Variants in CEP85L observed in about 807,000 individuals in gnomAD.
CEP85L encodes the protein centrosomal protein of 85 kDa-like.
In CEP85L, 60 loss-of-function variants were observed where a neutral mutation model predicts 100.3. That is an observed-to-expected ratio of 0.60 (90% CI 0.49 to 0.74). CEP85L has a LOEUF of 0.74. CEP85L is among the 30% of genes least tolerant of loss of function. The pLI is 0.00. For missense variants in CEP85L, 973 were observed against 936.2 expected, an observed-to-expected ratio of 1.04 and a Z score of -0.51; for synonymous variants, 319 against 322.7, an observed-to-expected ratio of 0.99 and a Z score of 0.12.
At chr6:118,627,856 C>A (rs1399381825) in intron 2 of CEP85L, among the ~76,000 whole-genome samples, 10 of 152,178 alleles carry the variant, frequency 6.6e-5, no homozygotes, top group African/African-American at 2.4e-4. Flanking sequence ...GCCTAACTTA[C>A]CTTGGGGAAG....
intron 3 of CEP85L, among the ~76,000 whole-genome samples, chr6:118,548,896 T>C (rs554029440): frequency 6.6e-6 from 1 of 151,992 alleles, no homozygotes; most frequent in Non-Finnish European, 1.5e-5. Context: ...CATAATTTCA[T>C]ACAGTGAATA....
intron 2 of CEP85L, among the ~76,000 whole-genome samples, chr6:118,600,370 T>TGTGTGTGTGTGTGCGCGTGCGCGTGG (rs58066356): frequency 1.2e-5 from 1 of 86,368 alleles, no homozygotes; most frequent in African/African-American, 4.2e-5. Context: ...TGTGTGTGTG[T>TGTGTGTGTGTGTGCGCGTGCGCGTGG]AACGCCATGG....
At chr6:118,700,640 T>C (rs1225911413) in intron 1 of CEP85L, among the ~76,000 whole-genome samples, 1 of 151,922 alleles carries the variant, frequency 6.6e-6, no homozygotes, top group East Asian at 1.9e-4. Context: ...CTGAGGCATA[T>C]GGGATCTGAA....
intron 8 of CEP85L, 40 bp from the exon 9 acceptor site, chr6:118,480,553 T>C (rs752073789): frequency 1.1e-5 from 14 of 1,252,384 alleles, no homozygotes; most frequent in Non-Finnish European, 1.4e-5. Flanking sequence ...ATAAGCTCTA[T>C]TTGCTGATTT....
Position 118,698,990 on chromosome 6 carries a change from T to C in CEP85L, c.-28+11046A>G, listed in dbSNP as rs1003511764. ...CATTTACTGAGGTTATTTTTACTAA[T>C]AATATGCCCGGAAACTGAAAATAAT... On this transcript the variant is annotated intron_variant, in intron 1 of 13. Coordinates refer to the CEP85L transcript ENST00000368488. Among the ~76,000 whole-genome samples, 4 of 152,166 alleles carry C rather than the reference T, an allele frequency of 2.6e-5. No individual in the cohort carries two copies. In the South Asian group the frequency reaches 8.3e-4, roughly 32 times the overall value.
upstream of CEP85L, among the ~76,000 whole-genome samples, chr6:118,653,345 G>A (rs942282437): frequency 6.6e-6 from 1 of 152,136 alleles, no homozygotes. Flanking sequence ...AATTAAACTT[G>A]GGAGGATAGA....
At chr6:118,645,425 A>G (rs992849640) in intron 1 of CEP85L, among the ~76,000 whole-genome samples, 1 of 152,186 alleles carries the variant, frequency 6.6e-6, no homozygotes, top group African/African-American at 2.4e-5. Flanking sequence ...TGTCATCCCA[A>G]TACTTGGAAG....
At chr6:118,659,185 T>C (rs936263651) in intron 1 of CEP85L, among the ~76,000 whole-genome samples, 80 of 152,308 alleles carry the variant, frequency 5.3e-4, no homozygotes, top group African/African-American at 1.9e-3. Context: ...GAATATCAAA[T>C]ACATGCATTA....
At chr6:118,577,618 C>A (rs968633653) in intron 2 of CEP85L, among the ~76,000 whole-genome samples, 5 of 152,142 alleles carry the variant, frequency 3.3e-5, no homozygotes, top group African/African-American at 1.2e-4. Context: ...ATTAAAGGAA[C>A]AGCTGAACAA....
intron 3 of CEP85L, chr6:118,565,256 A>T (rs1304651429): frequency 4.7e-6 from 2 of 424,352 alleles, no homozygotes; most frequent in Non-Finnish European, 8.4e-6. Flanking sequence ...ATTTAGATTG[A>T]GTATGTTTTG....
At position 118,569,341 on chromosome 6, in the gene CEP85L, C is replaced by CAAAAAAAAAAA. The variant is rs56123225; in HGVS notation, c.233-3036_233-3026dup. ...TGGGTGACAAGGCTAGACTCTGTCT[C>CAAAAAAAAAAA]AAAAAAAAAAAAAAAAAAAAAAAAA... On this transcript the variant is annotated intron_variant, in intron 2 of 12. Coordinates refer to ENST00000368491, the MANE Select transcript of CEP85L (RefSeq NM_001042475.3). Among the ~76,000 whole-genome samples, 267 of 68,212 alleles carry CAAAAAAAAAAA rather than the reference C, an allele frequency of 3.9e-3. 6 individuals are homozygous for CAAAAAAAAAAA. The highest frequency in any genetic ancestry group is 0.015 in the Middle Eastern group (1 of 66). 44.7% of individuals were successfully genotyped at this position (68,212 alleles called of 152,430 possible).
Position 118,472,152 on chromosome 6 carries a change from T to TA in CEP85L, c.1915-1509dup, listed in dbSNP as rs1446474497. ...TAACAGAATACAGTCCTTTAAAAGA[T>TA]AAGAGTTTTATATTTTTACCAATTC... On this transcript the variant is annotated intron_variant, in intron 10 of 12. Coordinates refer to ENST00000368491, the MANE Select transcript of CEP85L (RefSeq NM_001042475.3). Among the ~76,000 whole-genome samples the TA allele has an allele frequency of 2.0e-5, 3 of 151,376 alleles. No homozygotes were observed. The East Asian group carries it at 5.8e-4, about 29-fold the overall frequency.
intron 1 of CEP85L, among the ~76,000 whole-genome samples, chr6:118,690,655 C>T (rs1419180043): frequency 6.6e-6 from 1 of 152,194 alleles, no homozygotes; most frequent in Non-Finnish European, 1.5e-5. Context: ...CTGCTGGTGG[C>T]CATTTTTGCC....
intron 1 of CEP85L, among the ~76,000 whole-genome samples, chr6:118,633,625 A>T (rs1774313388): frequency 6.6e-6 from 1 of 152,146 alleles, no homozygotes; most frequent in Admixed American, 6.5e-5. Context: ...TGTTTTACCC[A>T]TCACTTATTT....
chr6:118,703,166 G>A (rs1777478761), intron 1 of CEP85L, among the ~76,000 whole-genome samples: 1 of 151,952 alleles, frequency 6.6e-6, no homozygotes. Flanking sequence ...TTTGGTGGGG[G>A]GGATTACTAT....
chr6:118,635,184 C>T (rs1708796028), intron 1 of CEP85L, among the ~76,000 whole-genome samples: 1 of 152,160 alleles, frequency 6.6e-6, no homozygotes. Flanking sequence ...AGTATAAGGA[C>T]ATTCCTGACA....
At chr6:118,626,064 GT>G (rs2115297831) in intron 2 of CEP85L, among the ~76,000 whole-genome samples, 1 of 152,240 alleles carries the variant, frequency 6.6e-6, no homozygotes, top group South Asian at 2.1e-4. Context: ...TCATCGCCCA[GT>G]TCCCAACAGC....
chr6:118,591,945 T>C (rs905054955), intron 2 of CEP85L, among the ~76,000 whole-genome samples: 6 of 152,220 alleles, frequency 3.9e-5, no homozygotes, highest in African/African-American at 1.4e-4. Context: ...ACAAAGTTAC[T>C]TGATTTACAA....
intron 5 of CEP85L, chr6:118,501,648 A>C: frequency 1.6e-6 from 1 of 644,706 alleles, no homozygotes; most frequent in Non-Finnish European, 2.9e-6. Context: ...ACTTATTATA[A>C]AGCTGCAAAG....
Sources: allele counts gnomAD v4.1 joint callset (sites outside exome capture counted in the v4.1 genomes callset), GRCh38; gene constraint gnomAD v4.1.1; transcripts MANE v1.5; gene names NCBI Gene and HGNC (gene_info 2026-07-23, HGNC 2026-07-21).